SPATA7: variants seen among roughly 807,000 people sequenced by gnomAD.
SPATA7 encodes the protein spermatogenesis associated 7.
In SPATA7, 43 loss-of-function variants were observed where a neutral mutation model predicts 51.8. The ratio of observed to expected loss-of-function variants is 0.83; its 90% CI spans 0.65 to 1.07. The LOEUF (loss-of-function observed/expected upper bound fraction) is 1.07, where lower values mean the gene tolerates loss of function less well. SPATA7 is among the 50% of genes least tolerant of loss of function. The probability of loss-of-function intolerance (pLI) is 0.00; values close to 1 mark genes in which losing one functional copy is unlikely to be tolerated. For missense variants in SPATA7, 683 were observed against 701.3 expected, an observed-to-expected ratio of 0.97 and a Z score of 0.30; for synonymous variants, 230 against 252.8, an observed-to-expected ratio of 0.91 and a Z score of 0.86.
chr14:88,456,958 C>T (rs1298467053), downstream of SPATA7, among the ~76,000 whole-genome samples: 2 of 152,086 alleles, frequency 1.3e-5, no homozygotes, highest in Non-Finnish European at 2.9e-5. Context: ...GCAAGGTTTC[C>T]CAGCACCATT....
At chr14:88,460,535 C>G (rs145499143) in intron 4 of SPATA7, among the ~76,000 whole-genome samples, 3,774 of 152,292 alleles carry the variant, frequency 0.025, 170 homozygotes, top group African/African-American at 0.086. Flanking sequence ...TCACGTAGTT[C>G]TCTTGCCATG....
At position 88,433,211 on chromosome 14, in the gene SPATA7, A is replaced by G; in HGVS notation, c.1159A>G (p.Arg387Gly). 1 of 1,601,588 alleles carries G rather than the reference A, an allele frequency of 6.2e-7. No homozygotes were observed. ...EILKLGLFSN[R>G]FLERLFERHI... is the part of the protein sequence containing the mutation. The stretch of plus-strand genomic sequence containing the variant: ...TTTGAAACTTGGTTTATTTTCAAAC[A>G]GGTTAGTTTTTTTAATGGTGTTATG... The change falls in exon 10 of 12, where the codon AGG becomes GGG. Residue 387 changes from arginine to glycine, a missense_variant and splice_region_variant. Transcript: ENST00000393545.
rs771777893 is a variant in SPATA7, at chr14:88,450,335, G to A, written c.178-4725G>A. On this transcript the variant is annotated intron_variant, in intron 3 of 3. Transcript: ENST00000554802. ...GATGTGAGGTACTATTCTATTCATC[G>A]TACTATTTGTTGCCTGAATACCTTA... is the stretch of plus-strand genomic sequence containing the variant. Among the ~76,000 whole-genome samples, 5 of 151,900 alleles carry A rather than the reference G, an allele frequency of 3.3e-5. 1 individual carries two copies. Among genetic ancestry groups the A allele is most frequent in the Admixed American group, 2.6e-4 (4 of 15,242 alleles).
Position 88,412,911 on chromosome 14 carries a change from C to T in SPATA7, c.239-3800C>T, listed in dbSNP as rs191678851. On this transcript the variant is annotated intron_variant, in intron 4 of 11. Coordinates refer to ENST00000393545, the MANE Select transcript of SPATA7 (RefSeq NM_018418.5). The stretch of plus-strand genomic sequence containing the variant: ...TCCAGCAGAGTATATCCTAGGTTTT[C>T]TTATAGAATTTTTATAGTTTTAGGT... Among the ~76,000 whole-genome samples, 435 of 152,234 alleles carry T rather than the reference C, an allele frequency of 2.9e-3. 3 individuals are homozygous for T. Among genetic ancestry groups the T allele is most frequent in the African/African-American group, 0.01 (418 of 41,544 alleles).
At chr14:88,400,456 A>C (rs1296315829) in intron 4 of SPATA7, among the ~76,000 whole-genome samples, 1 of 152,222 alleles carries the variant, frequency 6.6e-6, no homozygotes, top group South Asian at 2.1e-4. Context: ...ATCCCTAGAA[A>C]CATACAACCT....
intron 4 of SPATA7, chr14:88,467,215 G>A (rs574955127): frequency 3.1e-4 from 47 of 152,152 alleles, no homozygotes; most frequent in African/African-American, 1.1e-3. Flanking sequence ...GCTTCTCAGC[G>A]CCCATTGTTA....
At chr14:88,439,403 C>A (rs993087653), downstream of SPATA7, among the ~76,000 whole-genome samples, 1 of 152,088 alleles carries the variant, frequency 6.6e-6, no homozygotes, top group Admixed American at 6.6e-5. Flanking sequence ...CATGGCCCAG[C>A]AGATTCATCT....
intron 4 of SPATA7, chr14:88,467,985 C>T: frequency 1.0e-6 from 1 of 999,920 alleles, no homozygotes. Flanking sequence ...CGCACGTTTC[C>T]TTCAGCGTGC....
chr14:88,397,311 A>G (rs2075912613), intron 4 of SPATA7, among the ~76,000 whole-genome samples: 1 of 152,196 alleles, frequency 6.6e-6, no homozygotes, highest in African/African-American at 2.4e-5. Flanking sequence ...TAGTAGCCAT[A>G]CTAAAAGGTG....
intron 8 of SPATA7, among the ~76,000 whole-genome samples, 178 bp downstream of exon 8, chr14:88,429,641 G>T (rs796272590): frequency 1.3e-5 from 2 of 152,030 alleles, no homozygotes; most frequent in Admixed American, 1.3e-4. Context: ...GAAGTGCTTA[G>T]TAAAAGTTGA....
chr14:88,426,820 G>C lies in SPATA7; in HGVS notation c.845+116G>C, dbSNP rs557870496. 5.0e-5 allele frequency: 46 copies of C among 920,812 alleles called. No homozygotes were observed. In the African/African-American group the frequency reaches 7.1e-4, roughly 14 times the overall value. The allele number at this position is 920,812 out of a possible 1,614,324, so 57.0% of individuals were successfully genotyped here. A position where few individuals can be genotyped will look rare whatever the true frequency, so the allele number is the denominator to read the frequency against. The stretch of plus-strand genomic sequence containing the variant: ...AAGATCTGATAGTGCCCTTTTGATT[G>C]GAATGAGATGAATGTGACTTTTCCT... On this transcript the variant is annotated intron_variant, in intron 6 of 11. Transcript: ENST00000393545.
At chr14:88,468,079 C>CT (rs748590887) in intron 4 of SPATA7, 303 of 1,561,134 alleles carry the variant, frequency 1.9e-4, no homozygotes, top group Admixed American at 3.1e-4. Context: ...TAGGCAAGCG[C>CT]TTTTTTTTTA....
At chr14:88,419,141 G>T (rs1039231808) in intron 5 of SPATA7, among the ~76,000 whole-genome samples, 3 of 152,072 alleles carry the variant, frequency 2.0e-5, no homozygotes, top group Non-Finnish European at 4.4e-5. Context: ...GTTATTGAGA[G>T]AAATCTTCCA....
At chr14:88,468,321 G>C (rs564588767) in intron 4 of SPATA7, 1 of 1,487,984 alleles carries the variant, frequency 6.7e-7, no homozygotes, top group African/African-American at 1.4e-5. Context: ...AGACAGAAAG[G>C]ATGGGAGGAC....
intron 5 of SPATA7, among the ~76,000 whole-genome samples, chr14:88,424,444 C>T (rs1484186483): frequency 6.6e-6 from 1 of 152,110 alleles, no homozygotes; most frequent in African/African-American, 2.4e-5. Context: ...TATACTTCTA[C>T]CTTTTAAAAA....
At chr14:88,454,813 GAA>G (rs1219249634) in intron 3 of SPATA7, among the ~76,000 whole-genome samples, 1 of 149,448 alleles carries the variant, frequency 6.7e-6, no homozygotes, top group Non-Finnish European at 1.5e-5. Context: ...ATCTCAAAAA[GAA>G]AAAAAAAGAA....
At chr14:88,437,625 A>G (rs1414570576) in intron 11 of SPATA7, 28 bp downstream of exon 11, 1 of 1,523,224 alleles carries the variant, frequency 6.6e-7, no homozygotes, top group Non-Finnish European at 9.1e-7. Context: ...ACTTCATTAG[A>G]AAAATTATAA....
intron 3 of SPATA7, among the ~76,000 whole-genome samples, chr14:88,449,440 A>T (rs1387873348): frequency 6.6e-6 from 1 of 152,146 alleles, no homozygotes; most frequent in East Asian, 1.9e-4. Context: ...CTGTGAGAGT[A>T]CTTGATAAGA....
intron 4 of SPATA7, among the ~76,000 whole-genome samples, chr14:88,406,346 C>T (rs1166366602): frequency 2.6e-5 from 4 of 151,408 alleles, no homozygotes; most frequent in Admixed American, 6.6e-5. Context: ...AATTTTAGAA[C>T]ATTTTCATCA....
Sources: allele counts gnomAD v4.1 joint callset (sites outside exome capture counted in the v4.1 genomes callset), GRCh38; gene constraint gnomAD v4.1.1; transcripts MANE v1.5; gene names NCBI Gene and HGNC (gene_info 2026-07-23, HGNC 2026-07-21).